Variants in TRPM2 observed in about 807,000 individuals in gnomAD.
The protein encoded by TRPM2 is transient receptor potential cation channel subfamily M member 2.
A neutral mutation model predicts 174.0 loss-of-function variants in TRPM2; 161 were observed. The observed-to-expected ratio is 0.93, with a 90% confidence interval of 0.81 to 1.05. The LOEUF (loss-of-function observed/expected upper bound fraction) is 1.05, where lower values mean the gene tolerates loss of function less well. TRPM2 is among the 50% of genes least tolerant of loss of function. TRPM2 has a pLI of 0.00. For missense variants in TRPM2, 2,057 were observed against 2,038.0 expected (o/e 1.01, Z -0.18); for synonymous variants, 954 against 861.3 (o/e 1.11, Z -1.88).
At chr21:44,437,921 G>T (rs1442102375) in intron 29 of TRPM2, among the ~76,000 whole-genome samples, 1 of 152,362 alleles carries the variant, frequency 6.6e-6, no homozygotes, top group Non-Finnish European at 1.5e-5. Context: ...AGCCTGCCCC[G>T]CAGGGCCTCT....
Position 44,376,260 on chromosome 21 carries a change from C to A in TRPM2, c.952+247C>A, listed in dbSNP as rs1448240554. ...ACCAGGATGTTCATGGTACTCGGAA[C>A]GTCCTCAGAACACACCTGGGTTTCT... On this transcript the variant is annotated intron_variant, in intron 6 of 31. Transcript: ENST00000397928. The surrounding 1 kb of genome is among the most constrained non-coding windows in gnomAD (Gnocchi z 4.2). 6.6e-6 allele frequency among the ~76,000 whole-genome samples: 1 copy of A among 152,218 alleles called. No homozygotes were observed. Among genetic ancestry groups the A allele is most frequent in the African/African-American group, 2.4e-5 (1 of 41,452 alleles).
chr21:44,420,687 G>A (rs1048022741), intron 22 of TRPM2, among the ~76,000 whole-genome samples: 3 of 152,260 alleles, frequency 2.0e-5, no homozygotes, highest in Non-Finnish European at 2.9e-5. Flanking sequence ...GATGCTGGGG[G>A]AAGGTGCTTG....
At chr21:44,362,941 T>G (rs2048258699) in intron 2 of TRPM2, among the ~76,000 whole-genome samples, 1 of 152,140 alleles carries the variant, frequency 6.6e-6, no homozygotes, top group Non-Finnish European at 1.5e-5. Flanking sequence ...GCCCAGCTGA[T>G]TTTTTAGATT....
upstream of TRPM2, chr21:44,353,397 C>A (rs2047961128): frequency 4.0e-6 from 1 of 249,330 alleles, no homozygotes; most frequent in Non-Finnish European, 7.6e-6. Flanking sequence ...GAGGTTGTTA[C>A]CATTATGAAC....
At chr21:44,408,329 T>A (rs2049974795) in intron 19 of TRPM2, among the ~76,000 whole-genome samples, 2 of 152,052 alleles carry the variant, frequency 1.3e-5, no homozygotes. Flanking sequence ...TTATTTCTCT[T>A]AGACACCTAG....
chr21:44,435,282 G>A (rs536755600), intron 28 of TRPM2, 65 bp downstream of exon 28: 68 of 1,559,598 alleles, frequency 4.4e-5, no homozygotes, highest in African/African-American at 5.4e-5. Flanking sequence ...CACAAGGGGC[G>A]GCTGCCATTG....
chr21:44,414,077 G>A lies in TRPM2; in HGVS notation c.3146+3G>A. 1 of 1,608,784 alleles carries A rather than the reference G, an allele frequency of 6.2e-7. No homozygotes were observed. Among genetic ancestry groups the A allele is most frequent in the Non-Finnish European group, 8.5e-7 (1 of 1,177,434 alleles). ...AACCTCCTCATCGCCATGTTCAAGT[G>A]AGCGCCTGGGTGGGGCTGGCGTGCA... On this transcript the variant is annotated splice_donor_region_variant and intron_variant, in intron 20 of 31. Coordinates refer to ENST00000397928, the MANE Select transcript of TRPM2 (RefSeq NM_003307.4).
intron 9 of TRPM2, among the ~76,000 whole-genome samples, chr21:44,389,873 A>ATTTTT (rs34732510): frequency 7.2e-6 from 1 of 139,340 alleles, no homozygotes; most frequent in Non-Finnish European, 1.5e-5. Context: ...GAGGCTTAAA[A>ATTTTT]TTTTTTTTTT....
Position 44,425,738 on chromosome 21 carries a change from G to A in TRPM2, c.3706G>A (p.Asp1236Asn), listed in dbSNP as rs781533545. 7.6e-6 allele frequency: 12 copies of A among 1,584,672 alleles called. No individual in the cohort carries two copies. Among genetic ancestry groups the A allele is most frequent in the Admixed American group, 7.0e-5 (4 of 57,472 alleles). ...CAGGAAGAAGACGGAGGAGCCGGGC[G>A]ACAGCTACCACGTGAATGCCCGGCA... The part of the protein sequence containing the change: ...GGRKKTEEPG[D>N]SYHVNARHLL... Residue 1236 changes from aspartate (D) to asparagine (N), a missense_variant, in exon 25 of 32, where the codon GAC becomes AAC. By Grantham distance (23) the Asp-to-Asn change is conservative. Transcript: ENST00000397928.
rs2047987591 is a variant in TRPM2 at position 44,354,061 on chromosome 21, A to C, written c.165+196A>C. Reference sequence around the variant, plus strand: ...CTCGTCTTCTGTGGGTTGCATGACCATTTCCCATGGTTGGTCTGATTGGGA... The same window carrying C: ...CTCGTCTTCTGTGGGTTGCATGACCCTTTCCCATGGTTGGTCTGATTGGGA... On this transcript the variant is annotated intron_variant, in intron 1 of 31. Transcript: ENST00000397928. The surrounding 1 kb of genome is among the most constrained non-coding windows in gnomAD (Gnocchi z 4.3). Among the ~76,000 whole-genome samples the C allele has an allele frequency of 6.6e-6, 1 of 152,270 alleles. No homozygotes were observed. Among genetic ancestry groups the C allele is most frequent in the Non-Finnish European group, 1.5e-5 (1 of 68,022 alleles).
chr21:44,363,293 A>G (rs2048269586), intron 2 of TRPM2, among the ~76,000 whole-genome samples: 1 of 152,134 alleles, frequency 6.6e-6, no homozygotes, highest in Non-Finnish European at 1.5e-5. Flanking sequence ...CTGAGCATGA[A>G]TGTATGATCT....
chr21:44,381,332 G>A (rs958941589), intron 8 of TRPM2, among the ~76,000 whole-genome samples: 1 of 152,028 alleles, frequency 6.6e-6, no homozygotes, highest in African/African-American at 2.4e-5. Context: ...GGGGGAAGGT[G>A]CTTCAAGGAG....
intron 16 of TRPM2, among the ~76,000 whole-genome samples, chr21:44,403,874 A>G (rs1466837104): frequency 1.3e-5 from 2 of 151,526 alleles, no homozygotes; most frequent in Admixed American, 6.6e-5. Context: ...ATATACACAT[A>G]CATACACATG....
chr21:44,354,617 G>A lies in TRPM2; in HGVS notation c.166-31G>A, dbSNP rs1203967266. 4 of 1,597,498 alleles carry A rather than the reference G, an allele frequency of 2.5e-6. No individual in the cohort carries two copies. In the South Asian group the frequency reaches 3.3e-5, roughly 13 times the overall value. ...GCTGGGTGTGCTCTTTCGAATGTTG[G>A]AAGATCTCAGTGTGCTGTCTTTACC... is the stretch of plus-strand genomic sequence containing the variant. On this transcript the variant is annotated intron_variant, in intron 1 of 31. Transcript: ENST00000397928. The surrounding 1 kb of genome is among the most constrained non-coding windows in gnomAD (Gnocchi z 4.3).
chr21:44,433,190 C>T (rs1464761968), intron 27 of TRPM2, among the ~76,000 whole-genome samples: 2 of 152,198 alleles, frequency 1.3e-5, no homozygotes, highest in African/African-American at 4.8e-5. Context: ...GGCCCCTAAC[C>T]TCCCTCCTGG....
chr21:44,430,720 C>T lies in TRPM2; in HGVS notation c.3974+3609C>T, dbSNP rs1190748231. ...CTGGGATTACAGGCGTGAGCCACCGCGCCCGGCCGAGCAAGTGGATTTCTA... is the reference window on the plus strand; with the variant it reads ...CTGGGATTACAGGCGTGAGCCACCGTGCCCGGCCGAGCAAGTGGATTTCTA... On this transcript the variant is annotated intron_variant, in intron 27 of 31. Coordinates refer to ENST00000397928, the MANE Select transcript of TRPM2 (RefSeq NM_003307.4). Among the ~76,000 whole-genome samples the T allele has an allele frequency of 7.8e-4, 6 of 7,736 alleles. 3 individuals carry two copies. Among genetic ancestry groups the T allele is most frequent in the African/African-American group, 3.5e-3 (6 of 1,704 alleles). 5.1% of individuals were successfully genotyped at this position (7,736 alleles called of 152,430 possible).
chr21:44,426,004 C>A (rs554907943), intron 25 of TRPM2, among the ~76,000 whole-genome samples, 177 bp downstream of exon 25: 2 of 152,184 alleles, frequency 1.3e-5, no homozygotes, highest in Admixed American at 1.3e-4. Flanking sequence ...ACAGAGAAGT[C>A]AAGTCACAGG....
Position 44,387,215 on chromosome 21 carries a change from A to G in TRPM2, c.1319-3689A>G, listed in dbSNP as rs187544899. Among the ~76,000 whole-genome samples, 36 of 152,320 alleles carry G rather than the reference A, an allele frequency of 2.4e-4. No individual in the cohort carries two copies. The East Asian group carries it at 4.4e-3, about 19-fold the overall frequency. On this transcript the variant is annotated intron_variant, in intron 9 of 31. Coordinates refer to ENST00000397928, the MANE Select transcript of TRPM2 (RefSeq NM_003307.4). ...AAATCCCAAAAAGATATGGAGACCA[A>G]TGGAATAGAATAGTGAGCCCAAAAA...
At chr21:44,417,074 G>C (rs568766005) in intron 20 of TRPM2, among the ~76,000 whole-genome samples, 3 of 125,364 alleles carry the variant, frequency 2.4e-5, no homozygotes, top group African/African-American at 9.7e-5. Flanking sequence ...CAGTGGGCAC[G>C]TGGGCATGGC....
Sources: allele counts gnomAD v4.1 joint callset (sites outside exome capture counted in the v4.1 genomes callset), GRCh38; gene constraint gnomAD v4.1.1; non-coding constraint Gnocchi (gnomAD v3.1); transcripts MANE v1.5; gene names NCBI Gene and HGNC (gene_info 2026-07-23, HGNC 2026-07-21).